Variants in ZBTB21 observed in about 807,000 individuals in gnomAD.
ZBTB21 encodes zinc finger and BTB domain-containing protein 21.
In ZBTB21, 10 loss-of-function variants were observed where a neutral mutation model predicts 39.8. The ratio of observed to expected loss-of-function variants is 0.25; its 90% CI spans 0.16 to 0.43. ZBTB21 has a LOEUF of 0.43. Ranked by LOEUF, ZBTB21 falls within the 20% of genes least tolerant of loss-of-function variation. The pLI, the probability that ZBTB21 is intolerant of heterozygous loss-of-function variation, is 1.00. For synonymous variants in ZBTB21, 551 were observed against 498.8 expected (o/e 1.10, Z -1.40); for missense variants, 1,221 against 1,296.3 (o/e 0.94, Z 0.89).
At chr21:41,995,975 C>T (rs547454755) in intron 2 of ZBTB21, among the ~76,000 whole-genome samples, 2 of 152,228 alleles carry the variant, frequency 1.3e-5, no homozygotes, top group Non-Finnish European at 2.9e-5. Context: ...GGTTTGGGAA[C>T]CTCCGCCTAG....
chr21:42,000,939 C>A (rs942404167), intron 2 of ZBTB21, among the ~76,000 whole-genome samples: 1 of 152,152 alleles, frequency 6.6e-6, no homozygotes, highest in African/African-American at 2.4e-5. Flanking sequence ...TTTTCCATTC[C>A]ATTCAGTAGA....
At chr21:42,008,615 CGA>C (rs1425958369) in intron 1 of ZBTB21, among the ~76,000 whole-genome samples, 2 of 150,136 alleles carry the variant, frequency 1.3e-5, no homozygotes, top group African/African-American at 4.9e-5. Flanking sequence ...TCATTTCCAT[CGA>C]GAGACCTTCT....
rs1254483270 is a variant in ZBTB21 at position 41,989,520 on chromosome 21, A to C, written c.*1375T>G. On this transcript the variant is annotated 3_prime_UTR_variant, in exon 3 of 3. Coordinates refer to ENST00000310826, the MANE Select transcript of ZBTB21 (RefSeq NM_001098402.2). ...TTTAATACATCTAACTCCCACCCCC[A>C]CAAGTAAAAGTTTTCCCTTTTGAAA... is the stretch of plus-strand genomic sequence containing the variant. 1 of 152,154 alleles carries C rather than the reference A, an allele frequency of 6.6e-6. No homozygotes were observed. The highest frequency in any genetic ancestry group is 1.5e-5 in the Non-Finnish European group (1 of 67,996). 9.4% of individuals were successfully genotyped at this position (152,154 alleles called of 1,614,324 possible).
At position 42,002,337 on chromosome 21, in the gene ZBTB21, G is replaced by A. The variant is rs575422409; in HGVS notation, c.-14+560C>T. 3.9e-5 allele frequency: 6 copies of A among 151,982 alleles called. No individual in the cohort carries two copies. In the South Asian group the frequency reaches 1.2e-3, roughly 32 times the overall value. The allele number at this position is 151,982 out of a possible 1,614,324, so 9.4% of individuals were successfully genotyped here. On this transcript the variant is annotated intron_variant, in intron 2 of 2. Coordinates refer to ENST00000310826, the MANE Select transcript of ZBTB21 (RefSeq NM_001098402.2). Reference sequence around the variant, plus strand: ...TTTTAATGACAGTCAGTATATTTGAGTTTAACAATTACCTAAAAATATAAA... The same window carrying A: ...TTTTAATGACAGTCAGTATATTTGAATTTAACAATTACCTAAAAATATAAA...
chr21:41,993,927 T>C lies in ZBTB21; in HGVS notation c.169A>G (p.Ser57Gly). Reference sequence around the variant, plus strand: ...TCATTTTCCTTATTTGTGAATAAACTCTGAAAGTATTCGCTGCTGGCAGCC... The same window carrying C: ...TCATTTTCCTTATTTGTGAATAAACCCTGAAAGTATTCGCTGCTGGCAGCC... ...VLAASSEYFQSLFTNKENESQ... is the reference protein window; with the variant it reads ...VLAASSEYFQGLFTNKENESQ... The change falls in exon 3 of 3, where the codon AGT (serine) becomes GGT (glycine). Residue 57 changes from serine (S) to glycine (G), a missense_variant. Physicochemically the swap from Ser to Gly is moderately conservative, Grantham distance 56. Around this residue, in one of 4 missense-constraint regions of ZBTB21, gnomAD observed 108 missense variants for 155.0 expected, o/e 0.70. Coordinates refer to ENST00000310826, the MANE Select transcript of ZBTB21 (RefSeq NM_001098402.2). 1.9e-6 allele frequency: 3 copies of C among 1,614,250 alleles called. No homozygotes were observed.
rs200304662 is a variant in ZBTB21, at chr21:41,998,443, G to A, written c.-13-4335C>T. On this transcript the variant is annotated intron_variant, in intron 2 of 2. Coordinates refer to ENST00000310826, the MANE Select transcript of ZBTB21 (RefSeq NM_001098402.2). ...TGACCTCACGTGATCTGCCTGCCTC[G>A]GCCTCCCAAAGTGCTGGGATTACAG... Among the ~76,000 whole-genome samples, 47 of 152,014 alleles carry A rather than the reference G, an allele frequency of 3.1e-4. No homozygotes were observed. The East Asian group carries it at 7.0e-3, about 23-fold the overall frequency.
rs1055594375 is a variant in ZBTB21, at chr21:41,988,920, C to T, written c.*1975G>A. The T allele has an allele frequency of 6.6e-6, 1 of 152,040 alleles. No homozygotes were observed. The highest frequency in any genetic ancestry group is 6.5e-5 in the Admixed American group (1 of 15,270). 9.4% of individuals were successfully genotyped at this position (152,040 alleles called of 1,614,324 possible). ...CTAATGGCCATGTAGGTGATGATTA[C>T]TCAGGGAAACTGTCTTCTTTTGAAG... On this transcript the variant is annotated 3_prime_UTR_variant, in exon 3 of 3. Coordinates refer to ENST00000310826, the MANE Select transcript of ZBTB21 (RefSeq NM_001098402.2).
Position 42,010,262 on chromosome 21 carries a change from T to C in ZBTB21, c.-89A>G. 1 of 398,314 alleles carries C rather than the reference T, an allele frequency of 2.5e-6. No individual in the cohort carries two copies. The highest frequency in any genetic ancestry group is 4.4e-6 in the Non-Finnish European group (1 of 225,876). 24.7% of individuals were successfully genotyped at this position (398,314 alleles called of 1,614,324 possible). On this transcript the variant is annotated 5_prime_UTR_variant, in exon 1 of 3. Coordinates refer to ENST00000310826, the MANE Select transcript of ZBTB21 (RefSeq NM_001098402.2). ...GTGACAGTTACTCACCGGTCTTCAGTCTCGAGGCAGACGCCGGGCCCCTTT... is the reference window on the plus strand; with the variant it reads ...GTGACAGTTACTCACCGGTCTTCAGCCTCGAGGCAGACGCCGGGCCCCTTT...
intron 1 of ZBTB21, chr21:42,008,114 C>T (rs1229584456): frequency 6.6e-6 from 1 of 152,236 alleles, no homozygotes; most frequent in Non-Finnish European, 1.5e-5. Flanking sequence ...AATTTCTTCT[C>T]TTTCCCTTAT....
At chr21:41,999,711 T>C (rs1297866225) in intron 2 of ZBTB21, among the ~76,000 whole-genome samples, 1 of 152,120 alleles carries the variant, frequency 6.6e-6, no homozygotes, top group Admixed American at 6.5e-5. Context: ...AGGCGAGGGA[T>C]GAGCCATGGA....
rs754229429 is a variant in ZBTB21 at position 41,990,899 on chromosome 21, T to C, written c.3197A>G (p.Asn1066Ser). The change falls in exon 3 of 3, where the codon AAT (asparagine) becomes AGT (serine). Residue 1066 changes from asparagine to serine, a missense_variant. Physicochemically the swap from Asn to Ser is conservative, Grantham distance 46. Transcript: ENST00000310826. ...FSLWSHEQTH[N>S] Reference sequence around the variant, plus strand: ...TAGGTAAAAAGTGTTGGTCTTTCAATTGTGTGTTTGTTCGTGACTCCAAAG... The same window carrying C: ...TAGGTAAAAAGTGTTGGTCTTTCAACTGTGTGTTTGTTCGTGACTCCAAAG... The C allele has an allele frequency of 2.7e-6, 4 of 1,462,944 alleles. No individual in the cohort carries two copies. The South Asian group carries it at 4.8e-5, about 18-fold the overall frequency. The allele number at this position is 1,462,944 out of a possible 1,614,324, so 90.6% of individuals were successfully genotyped here.
In ZBTB21 at chr21:41,991,928, T is replaced by C. The variant is rs772077056; in HGVS notation, c.2168A>G (p.Gln723Arg). Residue 723 changes from glutamine to arginine, a missense_variant, in exon 3 of 3, where the codon CAG becomes CGG. Around this residue, in one of 4 missense-constraint regions of ZBTB21, gnomAD observed 523 missense variants for 542.5 expected, o/e 0.96. Transcript: ENST00000310826. This position sits in a 1 kb window ranked among gnomAD's most constrained non-coding sequence, Gnocchi z 4.9. ...ASPVENKEVY[Q>R]CRLCNAKLSS... ...GAGCTTAGCATTACAGAGGCGGCAC[T>C]GGTAAACCTCCTTGTTTTCTACTGG... 5 of 1,614,024 alleles carry C rather than the reference T, an allele frequency of 3.1e-6. No individual in the cohort carries two copies. Among genetic ancestry groups the C allele is most frequent in the Non-Finnish European group, 4.2e-6 (5 of 1,180,032 alleles).
Position 41,991,055 on chromosome 21 carries a change from G to A in ZBTB21, c.3041C>T (p.Ala1014Val). Reference sequence around the variant, plus strand: ...TTGGGGCACAAACAGTTTTTCTGTGGCTGGAGTTGGGTTTTCGGACAGGCC... The same window carrying A: ...TTGGGGCACAAACAGTTTTTCTGTGACTGGAGTTGGGTTTTCGGACAGGCC... ...PTGLSENPTP[A>V]TEKLFVPQES... The change falls in exon 3 of 3, where the codon GCC (alanine) becomes GTC (valine). Residue 1014 changes from alanine (A) to valine (V), a missense_variant. Around this residue, in one of 4 missense-constraint regions of ZBTB21, gnomAD observed 523 missense variants for 542.5 expected, o/e 0.96. Transcript: ENST00000310826. The surrounding 1 kb of genome is among the most constrained non-coding windows in gnomAD (Gnocchi z 4.9). The A allele has an allele frequency of 6.3e-7, 1 of 1,590,882 alleles. No homozygotes were observed. The highest frequency in any genetic ancestry group is 8.6e-7 in the Non-Finnish European group (1 of 1,169,128).
chr21:41,999,484 T>C (rs1314873499), intron 2 of ZBTB21, among the ~76,000 whole-genome samples: 1 of 152,178 alleles, frequency 6.6e-6, no homozygotes, highest in African/African-American at 2.4e-5. Flanking sequence ...GCCACTGTTC[T>C]AGGCTAACCA....
intron 2 of ZBTB21, 122 bp from the exon 3 acceptor site, chr21:41,994,230 C>T: frequency 1.3e-6 from 1 of 759,272 alleles, no homozygotes; most frequent in Non-Finnish European, 2.0e-6. Context: ...CGTAGGCTAA[C>T]AGAAGCTCTA....
rs142917163 is a variant in ZBTB21, at chr21:41,991,166, A to G, written c.2930T>C (p.Val977Ala). Reference protein sequence around the residue: ...SAHKESEVCPVPTNSPSPPPL... With the variant: ...SAHKESEVCPAPTNSPSPPPL... ...TGGTGGAGAGGGAGAGTTTGTGGGA[A>G]CAGGGCACACCTCAGATTCCTTATG... Residue 977 changes from valine (V) to alanine (A), a missense_variant, in exon 3 of 3, where the codon GTT becomes GCT. By Grantham distance (64) the Val-to-Ala change is moderately conservative. Around this residue, in one of 4 missense-constraint regions of ZBTB21, gnomAD observed 523 missense variants for 542.5 expected, o/e 0.96. Coordinates refer to ENST00000310826, the MANE Select transcript of ZBTB21 (RefSeq NM_001098402.2). This position sits in a 1 kb window ranked among gnomAD's most constrained non-coding sequence, Gnocchi z 4.9. 3 of 1,613,978 alleles carry G rather than the reference A, an allele frequency of 1.9e-6. No homozygotes were observed. Among genetic ancestry groups the G allele is most frequent in the South Asian group, 2.2e-5 (2 of 91,076 alleles).
intron 2 of ZBTB21, among the ~76,000 whole-genome samples, chr21:41,998,216 G>A (rs1177756367): frequency 1.4e-5 from 2 of 148,050 alleles, no homozygotes; most frequent in African/African-American, 5.0e-5. Flanking sequence ...TTTCTAGACA[G>A]GGTCTCGCTC....
chr21:41,992,396 A>G lies in ZBTB21; in HGVS notation c.1700T>C (p.Met567Thr), dbSNP rs2065673865. 3 of 1,614,094 alleles carry G rather than the reference A, an allele frequency of 1.9e-6. No individual in the cohort carries two copies. The highest frequency in any genetic ancestry group is 1.3e-5 in the African/African-American group (1 of 74,940). Reference sequence around the variant, plus strand: ...GTAGGGCTTTTCTGGGTTATGGTACATGTTAACATGACGGTGAAGACCTGC... The same window carrying G: ...GTAGGGCTTTTCTGGGTTATGGTACGTGTTAACATGACGGTGAAGACCTGC... ...STAGLHRHVN[M>T]YHNPEKPYAC... The change falls in exon 3 of 3, where the codon ATG (methionine) becomes ACG (threonine). Residue 567 changes from methionine (M) to threonine (T), a missense_variant. By Grantham distance (81) the Met-to-Thr change is moderately conservative (BLOSUM62 -1). Coordinates refer to ENST00000310826, the MANE Select transcript of ZBTB21 (RefSeq NM_001098402.2). This position sits in a 1 kb window ranked among gnomAD's most constrained non-coding sequence, Gnocchi z 4.1.
chr21:42,004,631 A>G (rs2065857241), intron 1 of ZBTB21, among the ~76,000 whole-genome samples: 1 of 152,222 alleles, frequency 6.6e-6, no homozygotes, highest in South Asian at 2.1e-4. Context: ...CCAGTTCTAC[A>G]GGAAAATGGC....
Sources: gnomAD v4.1 joint callset for allele counts (sites outside exome capture counted in the v4.1 genomes callset) on GRCh38, gnomAD v4.1.1 for gene constraint, gnomAD v4.1.1 regional missense constraint, Gnocchi (gnomAD v3.1) non-coding constraint, MANE v1.5 for transcripts, NCBI Gene and HGNC (gene_info 2026-07-23, HGNC 2026-07-21) for gene names.